Variants in RNF6 observed in about 807,000 individuals in gnomAD.
RNF6 encodes E3 ubiquitin-protein ligase RNF6.
Under a neutral mutation model 50.1 loss-of-function variants are expected in RNF6, and 21 were observed. The ratio of observed to expected loss-of-function variants is 0.42; its 90% CI spans 0.30 to 0.60. The LOEUF (loss-of-function observed/expected upper bound fraction) is 0.60. Ranked by LOEUF, RNF6 falls within the 20% of genes least tolerant of loss-of-function variation. RNF6 has a pLI of 0.20. For missense variants in RNF6, 698 were observed against 838.2 expected (o/e 0.83, Z 2.07); for synonymous variants, 255 against 291.8 (o/e 0.87, Z 1.29).
intron 5 of RNF6, among the ~76,000 whole-genome samples, chr13:26,199,625 G>T (rs12430404): frequency 1.4e-4 from 21 of 152,044 alleles, no homozygotes; most frequent in African/African-American, 3.4e-4. Flanking sequence ...TATATCTACA[G>T]ACATATATTT....
chr13:26,194,271 A>G (rs942497121), intron 5 of RNF6, among the ~76,000 whole-genome samples: 2 of 152,308 alleles, frequency 1.3e-5, no homozygotes, highest in East Asian at 1.9e-4. Flanking sequence ...GGGAGAGGCA[A>G]GAGAGTTGAG....
intron 5 of RNF6, among the ~76,000 whole-genome samples, chr13:26,205,014 G>C (rs1029590248): frequency 6.6e-6 from 1 of 152,120 alleles, no homozygotes. Flanking sequence ...CTCCAAAGCG[G>C]CTTGGGAAGT....
rs1006671282 is a variant in RNF6 at position 26,160,862 on chromosome 13, T to G, written n.769-28411A>C. Among the ~76,000 whole-genome samples the G allele has an allele frequency of 3.9e-5, 6 of 152,294 alleles. No individual in the cohort carries two copies. The East Asian group carries it at 1.2e-3, about 29-fold the overall frequency. On this transcript the variant is annotated intron_variant and non_coding_transcript_variant, in intron 5 of 5. Coordinates refer to the RNF6 transcript ENST00000468480. Reference sequence around the variant, plus strand: ...CCTCATGTGGCCTTCCCTCTGGGCATGCATGCTCCTGGTGTCTCTCTGGAT... The same window carrying G: ...CCTCATGTGGCCTTCCCTCTGGGCAGGCATGCTCCTGGTGTCTCTCTGGAT...
chr13:26,146,097 C>G (rs1233660661), intron 5 of RNF6, among the ~76,000 whole-genome samples: 1 of 152,168 alleles, frequency 6.6e-6, no homozygotes, highest in Non-Finnish European at 1.5e-5. Flanking sequence ...GTCCAAAAGT[C>G]CCCAGGAAGG....
At chr13:26,210,459 C>G (rs773663283), downstream of RNF6, among the ~76,000 whole-genome samples, 5 of 152,214 alleles carry the variant, frequency 3.3e-5, no homozygotes, top group Non-Finnish European at 7.3e-5. Flanking sequence ...TCATTCATCT[C>G]TTTCCTGGAT....
At chr13:26,209,784 G>GAT (rs1165114430), downstream of RNF6, among the ~76,000 whole-genome samples, 5 of 145,602 alleles carry the variant, frequency 3.4e-5, no homozygotes, top group Admixed American at 1.4e-4. Context: ...GAGAAGATGT[G>GAT]AGATATATAT....
downstream of RNF6, among the ~76,000 whole-genome samples, chr13:26,207,975 C>A (rs973305966): frequency 3.3e-5 from 5 of 152,306 alleles, no homozygotes; most frequent in South Asian, 1.0e-3. Context: ...ATGATTACTT[C>A]CAGTCCAAAT....
At chr13:26,186,910 T>G (rs1015330533) in intron 5 of RNF6, among the ~76,000 whole-genome samples, 1 of 152,122 alleles carries the variant, frequency 6.6e-6, no homozygotes, top group Non-Finnish European at 1.5e-5. Context: ...CCCGAGTAGC[T>G]GGGACTACAG....
At chr13:26,144,750 C>T (rs770536667) in intron 5 of RNF6, 2 of 152,222 alleles carry the variant, frequency 1.3e-5, no homozygotes, top group Admixed American at 6.5e-5. Context: ...AGGGATCTCC[C>T]GTAAGGCCAG....
intron 5 of RNF6, among the ~76,000 whole-genome samples, chr13:26,188,598 G>A (rs1393925104): frequency 7.3e-6 from 1 of 136,804 alleles, no homozygotes; most frequent in Admixed American, 7.4e-5. Flanking sequence ...TTTAGTGGGG[G>A]CTTTAGTTGG....
chr13:26,195,993 A>G (rs1868644236), intron 5 of RNF6, among the ~76,000 whole-genome samples: 1 of 152,226 alleles, frequency 6.6e-6, no homozygotes, highest in South Asian at 2.1e-4. Flanking sequence ...ATAGTAGGAG[A>G]CCCAAAAGAA....
chr13:26,204,042 G>A (rs956335716), intron 5 of RNF6, among the ~76,000 whole-genome samples: 1 of 152,144 alleles, frequency 6.6e-6, no homozygotes, highest in Admixed American at 6.5e-5. Flanking sequence ...TCTGGAAGGT[G>A]TCAGACCCAC....
intron 5 of RNF6, among the ~76,000 whole-genome samples, chr13:26,141,835 A>G (rs1050466968): frequency 1.3e-5 from 2 of 152,154 alleles, no homozygotes; most frequent in African/African-American, 4.8e-5. Flanking sequence ...AGAATTTATG[A>G]CCAAAGAATT....
At chr13:26,149,716 G>A (rs1871451577) in intron 5 of RNF6, among the ~76,000 whole-genome samples, 1 of 151,614 alleles carries the variant, frequency 6.6e-6, no homozygotes, top group Non-Finnish European at 1.5e-5. Flanking sequence ...CCTATGGGAG[G>A]GAGTAGAGCA....
intron 5 of RNF6, among the ~76,000 whole-genome samples, chr13:26,177,435 C>T (rs1429466757): frequency 1.3e-5 from 2 of 152,178 alleles, no homozygotes; most frequent in Non-Finnish European, 2.9e-5. Context: ...CTTCCTCTGC[C>T]CTTCTCTAAC....
At chr13:26,202,638 T>C (rs1295482584) in intron 5 of RNF6, among the ~76,000 whole-genome samples, 1 of 151,526 alleles carries the variant, frequency 6.6e-6, no homozygotes, top group Admixed American at 6.6e-5. Flanking sequence ...TTAAAAAAAA[T>C]ACAAAACAAA....
At chr13:26,159,924 A>T (rs184501205) in intron 5 of RNF6, among the ~76,000 whole-genome samples, 1 of 152,298 alleles carries the variant, frequency 6.6e-6, no homozygotes, top group East Asian at 1.9e-4. Flanking sequence ...TCAACATACA[A>T]GAATACTTAA....
In RNF6 at chr13:26,214,900, T is replaced by C. The variant is rs1869691071; in HGVS notation, c.982A>G (p.Arg328Gly). 2 of 1,614,242 alleles carry C rather than the reference T, an allele frequency of 1.2e-6. No individual in the cohort carries two copies. The highest frequency in any genetic ancestry group is 1.7e-6 in the Non-Finnish European group (2 of 1,180,038). ...QSGTVYHNSQ[R>G]ESRPVQQTTR... Reference sequence around the variant, plus strand: ...GTTTGCTGTACTGGTCTACTTTCCCTTTGGGAATTATGATAAACAGTGCCA... The same window carrying C: ...GTTTGCTGTACTGGTCTACTTTCCCCTTGGGAATTATGATAAACAGTGCCA... The change falls in exon 5 of 5, where the codon AGG (arginine) becomes GGG (glycine). Residue 328 changes from arginine to glycine, a missense_variant. By Grantham distance (125) the Arg-to-Gly change is moderately radical. Coordinates refer to ENST00000381588, the MANE Select transcript of RNF6 (RefSeq NM_005977.4).
chr13:26,217,344 G>A (rs1313682504), intron 4 of RNF6, among the ~76,000 whole-genome samples: 1 of 152,240 alleles, frequency 6.6e-6, no homozygotes, highest in Non-Finnish European at 1.5e-5. Context: ...ATTTGATTAA[G>A]TGTAGTGATG....
Sources: gnomAD v4.1 joint callset for allele counts (sites outside exome capture counted in the v4.1 genomes callset) on GRCh38, gnomAD v4.1.1 for gene constraint, MANE v1.5 for transcripts, NCBI Gene and HGNC (gene_info 2026-07-23, HGNC 2026-07-21) for gene names.